GFRAL: variants seen among roughly 807,000 people sequenced by gnomAD.
The protein encoded by GFRAL is GDNF family receptor alpha like, also known as GDNF family receptor alpha-like.
In GFRAL, 36 loss-of-function variants were observed where a neutral mutation model predicts 45.4. The ratio of observed to expected loss-of-function variants is 0.79; its 90% confidence interval spans 0.61 to 1.05. The LOEUF (loss-of-function observed/expected upper bound fraction) is 1.05. GFRAL is among the 50% of genes least tolerant of loss of function. The pLI is 0.00. For missense variants in GFRAL, 507 were observed against 467.5 expected, an observed-to-expected ratio of 1.08 and a Z score of -0.78; for synonymous variants, 166 against 154.1, an observed-to-expected ratio of 1.08 and a Z score of -0.57.
intron 5 of GFRAL, among the ~76,000 whole-genome samples, chr6:55,356,644 A>G (rs1420731195): frequency 6.6e-6 from 1 of 151,854 alleles, no homozygotes; most frequent in Non-Finnish European, 1.5e-5. Flanking sequence ...ATCTTTCCAA[A>G]AGACCAACTT....
chr6:55,398,261 C>A (rs1238871105), intron 6 of GFRAL, among the ~76,000 whole-genome samples: 1 of 152,168 alleles, frequency 6.6e-6, no homozygotes, highest in Non-Finnish European at 1.5e-5. Flanking sequence ...ACTGTCTACT[C>A]ATAGTTAGTG....
At chr6:55,382,069 A>G (rs1259767042) in intron 6 of GFRAL, among the ~76,000 whole-genome samples, 3 of 151,866 alleles carry the variant, frequency 2.0e-5, no homozygotes, top group Admixed American at 6.6e-5. Context: ...GTGCTAAAAA[A>G]GCTTCTTGGT....
chr6:55,376,094 T>C (rs1768531098), intron 6 of GFRAL, among the ~76,000 whole-genome samples: 1 of 152,186 alleles, frequency 6.6e-6, no homozygotes, highest in African/African-American at 2.4e-5. Context: ...TCAAAGGCCT[T>C]TTCTGCAACT....
rs543592865 is a variant in GFRAL at position 55,328,383 on chromosome 6, T to TTGA, written c.22+808_22+810dup. On this transcript the variant is annotated intron_variant, in intron 1 of 8. Coordinates refer to ENST00000340465, the MANE Select transcript of GFRAL (RefSeq NM_207410.2). Reference sequence around the variant, plus strand: ...ATTTTATGTTTAAGCTAATATATACTTGAATAAAGGCATAATTATGGGCCA... The same window carrying TTGA: ...ATTTTATGTTTAAGCTAATATATACTTGATGAATAAAGGCATAATTATGGGCCA... Among the ~76,000 whole-genome samples, 42 of 152,024 alleles carry TTGA rather than the reference T, an allele frequency of 2.8e-4. 1 individual carries two copies. The South Asian group carries it at 4.3e-3, about 16-fold the overall frequency.
chr6:55,342,037 T>C (rs1297677770), intron 3 of GFRAL, among the ~76,000 whole-genome samples: 1 of 152,112 alleles, frequency 6.6e-6, no homozygotes, highest in Non-Finnish European at 1.5e-5. Context: ...AAAGACCAAA[T>C]CTACATCTGA....
chr6:55,388,501 G>A (rs1768707717), intron 6 of GFRAL, among the ~76,000 whole-genome samples: 1 of 152,160 alleles, frequency 6.6e-6, no homozygotes, highest in Non-Finnish European at 1.5e-5. Flanking sequence ...ATAACAGACA[G>A]TCTAAAACTT....
intron 6 of GFRAL, among the ~76,000 whole-genome samples, chr6:55,390,494 G>A (rs1177213989): frequency 6.6e-6 from 1 of 152,150 alleles, no homozygotes; most frequent in Non-Finnish European, 1.5e-5. Context: ...TTAAATATCT[G>A]CATGAATATA....
At chr6:55,340,562 T>C (rs1351080425) in intron 3 of GFRAL, among the ~76,000 whole-genome samples, 5 of 152,112 alleles carry the variant, frequency 3.3e-5, no homozygotes, top group Non-Finnish European at 7.4e-5. Flanking sequence ...GATGGCAGAA[T>C]AGGAACAGCT....
intron 6 of GFRAL, among the ~76,000 whole-genome samples, chr6:55,391,197 T>C (rs1768749624): frequency 6.6e-6 from 1 of 152,106 alleles, no homozygotes; most frequent in Admixed American, 6.5e-5. Flanking sequence ...GGAGACAGAC[T>C]TAGTTCTCTC....
At chr6:55,337,172 G>A (rs1314655621) in intron 3 of GFRAL, among the ~76,000 whole-genome samples, 2 of 151,966 alleles carry the variant, frequency 1.3e-5, no homozygotes, top group African/African-American at 4.8e-5. Flanking sequence ...CCCGTGTCCT[G>A]CCAAGCTTGA....
At chr6:55,376,772 TC>T (rs1247577992) in intron 6 of GFRAL, among the ~76,000 whole-genome samples, 8 of 152,166 alleles carry the variant, frequency 5.3e-5, no homozygotes, top group Admixed American at 3.9e-4. Flanking sequence ...AGCTATTTTA[TC>T]TAAAAAAATG....
chr6:55,364,029 G>A (rs1383887073), intron 6 of GFRAL, among the ~76,000 whole-genome samples: 2 of 142,996 alleles, frequency 1.4e-5, no homozygotes, highest in Admixed American at 1.4e-4. Context: ...TTCCACAATG[G>A]TTGAACTAGT....
At chr6:55,384,543 G>A (rs933615851) in intron 6 of GFRAL, among the ~76,000 whole-genome samples, 2 of 152,042 alleles carry the variant, frequency 1.3e-5, no homozygotes, top group Non-Finnish European at 2.9e-5. Context: ...AACACTGAGT[G>A]TCATCACTTG....
chr6:55,377,071 T>G (rs766177057), intron 6 of GFRAL, among the ~76,000 whole-genome samples: 5 of 152,068 alleles, frequency 3.3e-5, no homozygotes, highest in Non-Finnish European at 7.4e-5. Flanking sequence ...CCATTCATAC[T>G]ATCACTCCAG....
intron 6 of GFRAL, among the ~76,000 whole-genome samples, chr6:55,364,842 C>G (rs1396487451): frequency 1.3e-5 from 2 of 152,074 alleles, no homozygotes; most frequent in Non-Finnish European, 2.9e-5. Context: ...GTTACTGTAG[C>G]CTTGTAGTAT....
intron 6 of GFRAL, among the ~76,000 whole-genome samples, chr6:55,391,387 T>G (rs1768752070): frequency 6.6e-6 from 1 of 152,212 alleles, no homozygotes; most frequent in African/African-American, 2.4e-5. Flanking sequence ...CAAACACTAT[T>G]TCAAACTCTC....
chr6:55,362,802 T>G (rs1768295103), intron 6 of GFRAL, among the ~76,000 whole-genome samples: 1 of 151,572 alleles, frequency 6.6e-6, no homozygotes, highest in African/African-American at 2.4e-5. Context: ...ATACCACCAT[T>G]CTGACCCAAA....
chr6:55,382,975 C>A (rs1477668067), intron 6 of GFRAL, among the ~76,000 whole-genome samples: 2 of 151,836 alleles, frequency 1.3e-5, no homozygotes, highest in Admixed American at 6.6e-5. Flanking sequence ...TGATGTTAAA[C>A]ATGTAATATG....
chr6:55,360,464 A>C (rs1282546521), intron 6 of GFRAL, among the ~76,000 whole-genome samples: 6 of 151,826 alleles, frequency 4.0e-5, no homozygotes, highest in African/African-American at 1.5e-4. Context: ...TTATATTTCT[A>C]TTTTTCTTTA....
Sources: allele counts gnomAD v4.1 joint callset (sites outside exome capture counted in the v4.1 genomes callset), GRCh38; gene constraint gnomAD v4.1.1; transcripts MANE v1.5; gene names NCBI Gene and HGNC (gene_info 2026-07-23, HGNC 2026-07-21).